Variants in FAM13C observed in about 807,000 individuals in gnomAD.
FAM13C encodes protein FAM13C.
Under a neutral mutation model 73.2 loss-of-function variants are expected in FAM13C, and 37 were observed. The observed-to-expected ratio is 0.51, with a 90% confidence interval of 0.39 to 0.67. The LOEUF is 0.67. Among genes scored for constraint, FAM13C ranks in the 30% least tolerant of loss-of-function variants. The probability of loss-of-function intolerance (pLI) is 0.00; values close to 1 mark genes in which losing one functional copy is unlikely to be tolerated. For missense variants in FAM13C, 589 were observed against 715.6 expected, an observed-to-expected ratio of 0.82 and a Z score of 2.02; for synonymous variants, 246 against 260.9, an observed-to-expected ratio of 0.94 and a Z score of 0.55.
intron 4 of FAM13C, among the ~76,000 whole-genome samples, chr10:59,308,501 C>A (rs911091966): frequency 6.0e-5 from 9 of 151,198 alleles, no homozygotes; most frequent in Admixed American, 2.6e-4. Flanking sequence ...ATTGCCACCA[C>A]CACTGCCACC....
intron 3 of FAM13C, among the ~76,000 whole-genome samples, chr10:59,333,474 C>T (rs533821386): frequency 6.6e-6 from 1 of 152,082 alleles, no homozygotes; most frequent in Non-Finnish European, 1.5e-5. Flanking sequence ...GGTGACAGAG[C>T]AAGATTCCAT....
chr10:59,354,590 G>GTCTC (rs1032789828), intron 2 of FAM13C, among the ~76,000 whole-genome samples: 8 of 152,120 alleles, frequency 5.3e-5, no homozygotes, highest in Non-Finnish European at 1.2e-4. Context: ...AGATAATACA[G>GTCTC]TCTCTCTGAA....
intron 5 of FAM13C, among the ~76,000 whole-genome samples, chr10:59,289,882 A>C (rs1846023071): frequency 6.6e-6 from 1 of 152,042 alleles, no homozygotes; most frequent in Admixed American, 6.6e-5. Context: ...TGCCTCCCCA[A>C]GCCCGTCACT....
At chr10:59,333,037 C>T (rs989786456) in intron 3 of FAM13C, among the ~76,000 whole-genome samples, 1 of 150,696 alleles carries the variant, frequency 6.6e-6, no homozygotes, top group Non-Finnish European at 1.5e-5. Context: ...CAAGGTCTTG[C>T]TATGTTGCCT....
intron 3 of FAM13C, among the ~76,000 whole-genome samples, chr10:59,327,909 A>G (rs1208012582): frequency 6.6e-6 from 1 of 152,204 alleles, no homozygotes; most frequent in Non-Finnish European, 1.5e-5. Flanking sequence ...TGTGTCTGTC[A>G]AATGGTCAGA....
At chr10:59,265,451 T>C (rs1443845685) in intron 8 of FAM13C, among the ~76,000 whole-genome samples, 2 of 151,836 alleles carry the variant, frequency 1.3e-5, no homozygotes, top group African/African-American at 4.8e-5. Flanking sequence ...TATCGTCTAG[T>C]ACTTTGGTTT....
intron 5 of FAM13C, among the ~76,000 whole-genome samples, chr10:59,299,209 T>C (rs1847273406): frequency 6.6e-6 from 1 of 152,160 alleles, no homozygotes; most frequent in Non-Finnish European, 1.5e-5. Flanking sequence ...AACATCACAT[T>C]GTATCCCATA....
At chr10:59,265,627 C>A (rs1463658238) in intron 8 of FAM13C, among the ~76,000 whole-genome samples, 3 of 152,114 alleles carry the variant, frequency 2.0e-5, no homozygotes, top group African/African-American at 7.2e-5. Flanking sequence ...AAAACAAACA[C>A]ACACACACAC....
At chr10:59,321,432 CTTTTTTTTTTT>C (rs1057110939) in intron 4 of FAM13C, among the ~76,000 whole-genome samples, 8 of 58,060 alleles carry the variant, frequency 1.4e-4, no homozygotes, top group South Asian at 7.3e-4. Flanking sequence ...CTGCCAACAC[CTTTTTTTTTTT>C]TTTTTTTTTT....
chr10:59,320,365 A>G (rs1464654788), intron 4 of FAM13C, among the ~76,000 whole-genome samples: 1 of 152,170 alleles, frequency 6.6e-6, no homozygotes, highest in Non-Finnish European at 1.5e-5. Flanking sequence ...CAAGGAATAT[A>G]ATATAGGGAA....
intron 6 of FAM13C, among the ~76,000 whole-genome samples, chr10:59,277,954 T>C (rs893110092): frequency 6.6e-6 from 1 of 152,140 alleles, no homozygotes; most frequent in Middle Eastern, 3.2e-3. Flanking sequence ...ATGTTGCTGA[T>C]AAAGACATAC....
At chr10:59,345,019 A>C (rs923938998) in intron 3 of FAM13C, among the ~76,000 whole-genome samples, 1 of 152,176 alleles carries the variant, frequency 6.6e-6, no homozygotes, top group Non-Finnish European at 1.5e-5. Flanking sequence ...CTTTGGAACT[A>C]TATAGGAAAA....
At chr10:59,296,083 C>T (rs1317509326) in intron 5 of FAM13C, among the ~76,000 whole-genome samples, 1 of 152,146 alleles carries the variant, frequency 6.6e-6, no homozygotes, top group African/African-American at 2.4e-5. Context: ...AGAAATAATA[C>T]CATTCAGTCA....
intron 5 of FAM13C, among the ~76,000 whole-genome samples, chr10:59,288,353 C>A (rs530807475): frequency 1.3e-5 from 2 of 152,266 alleles, no homozygotes; most frequent in African/African-American, 4.8e-5. Context: ...TTTAGCCAGG[C>A]ATGGTGGCAC....
intron 3 of FAM13C, among the ~76,000 whole-genome samples, chr10:59,338,190 T>C (rs7088210): frequency 0.7 from 107,007 of 152,016 alleles, 38,278 homozygotes; most frequent in East Asian, 0.83. Context: ...CCTTAGATGC[T>C]TCACTGGGAT....
chr10:59,333,460 C>A (rs985212763), intron 3 of FAM13C, among the ~76,000 whole-genome samples: 2 of 152,056 alleles, frequency 1.3e-5, no homozygotes, highest in African/African-American at 4.8e-5. Flanking sequence ...TGCACTCCAG[C>A]CTGGGTGACA....
chr10:59,302,765 A>G (rs781637805), intron 5 of FAM13C, 36 bp downstream of exon 5: 2 of 1,579,500 alleles, frequency 1.3e-6, no homozygotes, highest in Admixed American at 3.4e-5. Context: ...TGATTGGCTA[A>G]TTCATGTTCT....
At chr10:59,257,923 T>C (rs1201730753) in intron 10 of FAM13C, among the ~76,000 whole-genome samples, 2 of 152,188 alleles carry the variant, frequency 1.3e-5, no homozygotes, top group Non-Finnish European at 1.5e-5. Flanking sequence ...TCACTTTTAT[T>C]ACATTTTATA....
chr10:59,318,771 T>C (rs1276767740), intron 4 of FAM13C, among the ~76,000 whole-genome samples: 1 of 152,058 alleles, frequency 6.6e-6, no homozygotes, highest in African/African-American at 2.4e-5. Flanking sequence ...TCCAACCGTA[T>C]ACCAGGGAGT....
Sources: gnomAD v4.1 joint callset for allele counts (sites outside exome capture counted in the v4.1 genomes callset) on GRCh38, gnomAD v4.1.1 for gene constraint, MANE v1.5 for transcripts, NCBI Gene and HGNC (gene_info 2026-07-23, HGNC 2026-07-21) for gene names.